The following ARHGAP24 variants were observed in gnomAD, a reference collection of about 807,000 sequenced individuals.
ARHGAP24 encodes the protein Rho GTPase activating protein 24, also known as rho GTPase-activating protein 24.
ARHGAP24 carries 50 observed loss-of-function variants against 76.4 expected under a neutral mutation model. The ratio of observed to expected loss-of-function variants is 0.65; its 90% CI spans 0.52 to 0.83. ARHGAP24 has a LOEUF of 0.83. Among genes scored for constraint, ARHGAP24 ranks in the 40% least tolerant of loss-of-function variants. ARHGAP24 has a pLI of 0.00. For missense variants in ARHGAP24, 930 were observed against 914.2 expected, an observed-to-expected ratio of 1.02 and a Z score of -0.22; for synonymous variants, 345 against 323.3, an observed-to-expected ratio of 1.07 and a Z score of -0.72.
chr4:85,548,506 CTT>C (rs750506142), intron 1 of ARHGAP24, among the ~76,000 whole-genome samples: 7 of 152,180 alleles, frequency 4.6e-5, no homozygotes, highest in Admixed American at 6.5e-5. Context: ...ATTTGTAACT[CTT>C]TTCCAAAAGT....
intron 3 of ARHGAP24, among the ~76,000 whole-genome samples, chr4:85,780,043 C>A (rs1223750514): frequency 6.6e-6 from 1 of 151,930 alleles, no homozygotes; most frequent in Non-Finnish European, 1.5e-5. Flanking sequence ...TTTAATGTTC[C>A]CTTAATTTCT....
chr4:85,844,046 C>T (rs1215801371), intron 3 of ARHGAP24, among the ~76,000 whole-genome samples: 2 of 152,108 alleles, frequency 1.3e-5, no homozygotes, highest in Non-Finnish European at 2.9e-5. Context: ...ACAATTGATT[C>T]TAATTTAGCT....
chr4:85,575,224 C>T (rs773409956), intron 2 of ARHGAP24, among the ~76,000 whole-genome samples: 3 of 151,986 alleles, frequency 2.0e-5, no homozygotes, highest in Non-Finnish European at 4.4e-5. Flanking sequence ...CAGATTTTAT[C>T]CAGAGCATAT....
At chr4:85,934,185 T>G (rs965122765) in intron 4 of ARHGAP24, among the ~76,000 whole-genome samples, 2 of 152,170 alleles carry the variant, frequency 1.3e-5, no homozygotes, top group African/African-American at 4.8e-5. Flanking sequence ...TTTCCACAGC[T>G]CAAAGATTTT....
At chr4:85,727,839 A>G (rs1225450787) in intron 3 of ARHGAP24, among the ~76,000 whole-genome samples, 1 of 152,148 alleles carries the variant, frequency 6.6e-6, no homozygotes, top group Non-Finnish European at 1.5e-5. Context: ...CCTAAAATCA[A>G]TATTAACTAA....
intron 2 of ARHGAP24, among the ~76,000 whole-genome samples, chr4:85,666,698 A>G (rs971587106): frequency 2.8e-4 from 43 of 152,050 alleles, no homozygotes; most frequent in African/African-American, 9.9e-4. Flanking sequence ...TCTGTTTGTT[A>G]GTTTTCCTTT....
Position 85,642,526 on chromosome 4 carries a change from C to G in ARHGAP24, c.180+71805C>G, listed in dbSNP as rs76543802. On this transcript the variant is annotated intron_variant, in intron 2 of 9. Transcript: ENST00000395184. The stretch of plus-strand genomic sequence containing the variant: ...TCTTTTTAAATGCAGTTTCATCTTT[C>G]TTAGTTTATTCAGACCAAAAACTTG... Among the ~76,000 whole-genome samples the G allele has an allele frequency of 4.9e-3, 746 of 151,916 alleles. 5 individuals are homozygous for G. The highest frequency in any genetic ancestry group is 0.017 in the Middle Eastern group (5 of 294).
At chr4:85,525,901 G>A (rs1724971849) in intron 1 of ARHGAP24, among the ~76,000 whole-genome samples, 1 of 152,068 alleles carries the variant, frequency 6.6e-6, no homozygotes, top group Non-Finnish European at 1.5e-5. Flanking sequence ...CTTTTACTTT[G>A]TTCTCACCCT....
At chr4:85,946,427 A>G (rs570858321) in intron 5 of ARHGAP24, among the ~76,000 whole-genome samples, 4 of 152,320 alleles carry the variant, frequency 2.6e-5, no homozygotes, top group Non-Finnish European at 2.9e-5. Flanking sequence ...TCTGTAACCC[A>G]AGTAGTGAGC....
At chr4:85,772,207 T>C (rs1446296202) in intron 3 of ARHGAP24, among the ~76,000 whole-genome samples, 1 of 152,182 alleles carries the variant, frequency 6.6e-6, no homozygotes, top group Non-Finnish European at 1.5e-5. Context: ...TTTAGGTCAG[T>C]ATTAATTCCC....
At chr4:85,700,368 C>A (rs1233665601) in intron 2 of ARHGAP24, among the ~76,000 whole-genome samples, 2 of 148,336 alleles carry the variant, frequency 1.3e-5, no homozygotes, top group African/African-American at 5.0e-5. Context: ...TGCACACCTG[C>A]CTGGGGGAAA....
At chr4:85,731,027 C>CACAGAG (rs1363838234) in intron 3 of ARHGAP24, among the ~76,000 whole-genome samples, 3 of 80,542 alleles carry the variant, frequency 3.7e-5, no homozygotes, top group African/African-American at 1.3e-4. Flanking sequence ...CACACACACA[C>CACAGAG]AGAGAGAGAG....
At chr4:85,939,017 C>A (rs1444085622) in intron 4 of ARHGAP24, among the ~76,000 whole-genome samples, 1 of 152,126 alleles carries the variant, frequency 6.6e-6, no homozygotes, top group Admixed American at 6.5e-5. Flanking sequence ...GCTCTGATAT[C>A]CCACCGCCTC....
intron 3 of ARHGAP24, among the ~76,000 whole-genome samples, chr4:85,866,528 T>C (rs1469383708): frequency 6.6e-6 from 1 of 152,132 alleles, no homozygotes; most frequent in Non-Finnish European, 1.5e-5. Flanking sequence ...GATCTTTTGC[T>C]GCTGGTTGTC....
intron 2 of ARHGAP24, among the ~76,000 whole-genome samples, chr4:85,594,173 CTTAAG>C (rs1728224194): frequency 6.6e-6 from 1 of 151,426 alleles, no homozygotes; most frequent in African/African-American, 2.4e-5. Context: ...CACTTTTTTG[CTTAAG>C]TTAATTCATA....
chr4:85,573,218 C>T (rs183736903), intron 2 of ARHGAP24, among the ~76,000 whole-genome samples: 1,576 of 152,238 alleles, frequency 0.01, 30 homozygotes, highest in African/African-American at 0.036. Context: ...AACTAACTTT[C>T]ATACAATTCA....
At chr4:85,653,719 A>T (rs1722032715) in intron 2 of ARHGAP24, among the ~76,000 whole-genome samples, 1 of 152,042 alleles carries the variant, frequency 6.6e-6, no homozygotes, top group South Asian at 2.1e-4. Flanking sequence ...TCCTTACCTC[A>T]AGTGATCCAC....
intron 3 of ARHGAP24, among the ~76,000 whole-genome samples, chr4:85,775,801 G>T: frequency 6.6e-6 from 1 of 152,152 alleles, no homozygotes; most frequent in East Asian, 1.9e-4. Flanking sequence ...GGAATTATGG[G>T]AAATCACTGG....
chr4:85,919,120 T>C (rs1735578666), intron 3 of ARHGAP24, among the ~76,000 whole-genome samples: 1 of 152,190 alleles, frequency 6.6e-6, no homozygotes, highest in Admixed American at 6.5e-5. Context: ...CAGTGATAAT[T>C]AGATCTCAAC....
Sources: gnomAD v4.1 joint callset for allele counts (sites outside exome capture counted in the v4.1 genomes callset) on GRCh38, gnomAD v4.1.1 for gene constraint, MANE v1.5 for transcripts, NCBI Gene and HGNC (gene_info 2026-07-23, HGNC 2026-07-21) for gene names.